ADGRV1: variants seen among roughly 807,000 people sequenced by gnomAD.
ADGRV1 encodes the protein G-protein coupled receptor 98.
In ADGRV1, 359 loss-of-function variants were observed where a neutral mutation model predicts 596.2. The observed-to-expected ratio is 0.60, with a 90% CI of 0.55 to 0.66. ADGRV1 has a LOEUF of 0.66. Among genes scored for constraint, ADGRV1 ranks in the 30% least tolerant of loss-of-function variants. ADGRV1 has a pLI of 0.00. For synonymous variants in ADGRV1, 2,681 were observed against 2,679.2 expected, an observed-to-expected ratio of 1.00 and a Z score of -0.02; for missense variants, 7,274 against 7,575.6, an observed-to-expected ratio of 0.96 and a Z score of 1.48.
rs747698612 is a variant in ADGRV1, at chr5:90,658,219, A to G, written c.4693A>G (p.Ile1565Val). Residue 1565 changes from isoleucine (I) to valine (V), a missense_variant, in exon 21 of 90, where the codon ATA becomes GTA. Physicochemically the swap from Ile to Val is conservative, Grantham distance 29. Coordinates refer to ENST00000405460, the MANE Select transcript of ADGRV1 (RefSeq NM_032119.4). The stretch of plus-strand genomic sequence containing the variant: ...AGAAAATACTACTGCAAGATTAACA[A>G]TACAAAAAAGTGACAATGCAAATGG... Reference protein sequence around the residue: ...SEENTTARLTIQKSDNANGLF... With the variant: ...SEENTTARLTVQKSDNANGLF... 53 of 1,554,784 alleles carry G rather than the reference A, an allele frequency of 3.4e-5. No individual in the cohort carries two copies. Among genetic ancestry groups the G allele is most frequent in the African/African-American group, 5.5e-5 (4 of 73,162 alleles).
chr5:90,765,470 C>CACACACAG lies in ADGRV1; in HGVS notation c.12285+2002_12285+2003insCACACAGA, dbSNP rs546930616. Among the ~76,000 whole-genome samples, 872 of 149,446 alleles carry CACACACAG rather than the reference C, an allele frequency of 5.8e-3. 6 individuals carry two copies. The highest frequency in any genetic ancestry group is 0.025 in the East Asian group (122 of 4,968). ...ACACACACACACACACACACACACACAAACTCTAGATATCTGAAATCAAAT... is the reference window on the plus strand; with the variant it reads ...ACACACACACACACACACACACACACACACACAGAAACTCTAGATATCTGAAATCAAAT... On this transcript the variant is annotated intron_variant, in intron 59 of 89. Coordinates refer to ENST00000405460, the MANE Select transcript of ADGRV1 (RefSeq NM_032119.4).
Position 90,653,641 on chromosome 5 carries a change from C to T in ADGRV1, c.4067C>T (p.Thr1356Ile). Residue 1356 changes from threonine (T) to isoleucine (I), a missense_variant, in exon 20 of 90, where the codon ACA becomes ATA. Transcript: ENST00000405460. ...AGGAATAATACAATTGCCAACTTTA[C>T]ATTCTCAGCTTGGGTAATGCCCAAT... ...PSRNNTIANF[T>I]FSAWVMPNAN... The T allele has an allele frequency of 6.2e-7, 1 of 1,613,426 alleles. No individual in the cohort carries two copies. The highest frequency in any genetic ancestry group is 2.2e-5 in the East Asian group (1 of 44,878).
chr5:90,595,970 G>A (rs1392977357), intron 1 of ADGRV1, among the ~76,000 whole-genome samples: 5 of 147,192 alleles, frequency 3.4e-5, no homozygotes, highest in Admixed American at 6.7e-5. Flanking sequence ...GCTGCCGGGC[G>A]GAGAGGCTCC....
rs183849075 is a variant in ADGRV1, at chr5:90,973,455, A to G, written c.17973+7924A>G. The stretch of plus-strand genomic sequence containing the variant: ...GAACATTGATGCAAAAATCCTCAAT[A>G]AAATACTGACAAACCGAATCCAGCA... On this transcript the variant is annotated intron_variant, in intron 84 of 89. Transcript: ENST00000405460. Among the ~76,000 whole-genome samples the G allele has an allele frequency of 6.0e-3, 916 of 152,334 alleles. 10 individuals carry two copies. Among genetic ancestry groups the G allele is most frequent in the Non-Finnish European group, 9.6e-3 (656 of 68,034 alleles).
chr5:90,977,973 G>T (rs951244393), intron 84 of ADGRV1, among the ~76,000 whole-genome samples: 1 of 152,128 alleles, frequency 6.6e-6, no homozygotes, highest in African/African-American at 2.4e-5. Flanking sequence ...ATAACTTTAT[G>T]TTTGGCCTAC....
At chr5:90,695,924 C>T (rs1747138181) in intron 33 of ADGRV1, among the ~76,000 whole-genome samples, 1 of 151,916 alleles carries the variant, frequency 6.6e-6, no homozygotes, top group Non-Finnish European at 1.5e-5. Flanking sequence ...ATGTTAACTA[C>T]AAAGAAAGTT....
At chr5:90,973,781 A>T (rs1779286992) in intron 84 of ADGRV1, among the ~76,000 whole-genome samples, 1 of 152,328 alleles carries the variant, frequency 6.6e-6, no homozygotes, top group East Asian at 1.9e-4. Context: ...ATTCCCTTTG[A>T]AAAGTGGCAC....
At chr5:90,646,859 C>T (rs528915445) in intron 16 of ADGRV1, among the ~76,000 whole-genome samples, 2 of 151,342 alleles carry the variant, frequency 1.3e-5, no homozygotes, top group East Asian at 1.9e-4. Flanking sequence ...CTGCACCCTC[C>T]GCCTTCTGGA....
chr5:91,143,708 C>G (rs1795294215), intron 87 of ADGRV1, among the ~76,000 whole-genome samples: 2 of 152,186 alleles, frequency 1.3e-5, no homozygotes, highest in African/African-American at 4.8e-5. Context: ...GACTGACAGC[C>G]TGGCCCCCAG....
At chr5:90,599,596 G>T (rs942652879) in intron 1 of ADGRV1, among the ~76,000 whole-genome samples, 7 of 152,210 alleles carry the variant, frequency 4.6e-5, no homozygotes, top group Middle Eastern at 6.8e-3. Context: ...ATTAAAAATT[G>T]ATCTTAGGCT....
At chr5:90,619,594 C>CT (rs569934413) in intron 4 of ADGRV1, among the ~76,000 whole-genome samples, 33 of 151,282 alleles carry the variant, frequency 2.2e-4, no homozygotes, top group African/African-American at 4.6e-4. Context: ...GAATACTTTT[C>CT]TTTTTTTTTA....
intron 20 of ADGRV1, chr5:90,654,249 A>C (rs1769076297): frequency 2.6e-6 from 1 of 379,720 alleles, no homozygotes; most frequent in Non-Finnish European, 4.9e-6. Flanking sequence ...ATGAAAGAGG[A>C]ATGTTTGTCC....
At chr5:90,570,164 C>G (rs539658329) in intron 1 of ADGRV1, among the ~76,000 whole-genome samples, 1 of 152,020 alleles carries the variant, frequency 6.6e-6, no homozygotes, top group Non-Finnish European at 1.5e-5. Context: ...TTTGTTTATC[C>G]AGGAAAGTCT....
chr5:90,770,045 C>T (rs1446750488), intron 59 of ADGRV1, among the ~76,000 whole-genome samples: 3 of 152,018 alleles, frequency 2.0e-5, no homozygotes, highest in Non-Finnish European at 4.4e-5. Context: ...GGGTCTTACC[C>T]CCAGTATTAG....
At chr5:90,628,861 T>C in intron 8 of ADGRV1, 29 bp downstream of exon 8, 1 of 1,598,722 alleles carries the variant, frequency 6.3e-7, no homozygotes, top group Non-Finnish European at 8.5e-7. Context: ...TTTATGCTTG[T>C]TAATATTTCT....
At chr5:90,692,121 AC>A (rs1225578273) in intron 31 of ADGRV1, among the ~76,000 whole-genome samples, 2 of 152,126 alleles carry the variant, frequency 1.3e-5, no homozygotes, top group Non-Finnish European at 2.9e-5. Flanking sequence ...CACATAAAAA[AC>A]ATTTCTGTTT....
chr5:90,960,117 T>C (rs553916323), intron 83 of ADGRV1, among the ~76,000 whole-genome samples: 242 of 139,828 alleles, frequency 1.7e-3, no homozygotes, highest in Admixed American at 4.7e-3. Flanking sequence ...CCAGCCTGGG[T>C]GACAGACCGA....
intron 1 of ADGRV1, among the ~76,000 whole-genome samples, chr5:90,588,233 G>A (rs1210026641): frequency 6.6e-6 from 1 of 152,180 alleles, no homozygotes; most frequent in Non-Finnish European, 1.5e-5. Flanking sequence ...TAGTAGAAAT[G>A]ATTATCTATA....
In ADGRV1 at chr5:90,791,325, C is replaced by A. The variant is rs753803615; in HGVS notation, c.14496C>A (p.Asp4832Glu). Residue 4832 changes from aspartate to glutamate, a missense_variant, in exon 70 of 90, where the codon GAC (aspartate) becomes GAA (glutamate). By Grantham distance (45) the Asp-to-Glu change is conservative. Around this residue, in one of 5 missense-constraint regions of ADGRV1, gnomAD observed 1,874 missense variants for 1,970.2 expected, o/e 0.95. Transcript: ENST00000405460. Reference protein sequence around the residue: ...VVKDGATYKVDVVPIKNQVFL... With the variant: ...VVKDGATYKVEVVPIKNQVFL... ...AAGATGGTGCCACATATAAAGTGGACGTGGTGCCAATAAAGAATCAGGTTT... is the reference window on the plus strand; with the variant it reads ...AAGATGGTGCCACATATAAAGTGGAAGTGGTGCCAATAAAGAATCAGGTTT... 8 of 1,569,086 alleles carry A rather than the reference C, an allele frequency of 5.1e-6. No homozygotes were observed. The South Asian group carries it at 8.2e-5, about 16-fold the overall frequency.
Sources: allele counts gnomAD v4.1 joint callset (sites outside exome capture counted in the v4.1 genomes callset), GRCh38; gene constraint gnomAD v4.1.1; regional missense constraint gnomAD v4.1.1; transcripts MANE v1.5; gene names NCBI Gene and HGNC (gene_info 2026-07-23, HGNC 2026-07-21).